TTC23: variants seen among roughly 807,000 people sequenced by gnomAD.
TTC23 encodes tetratricopeptide repeat domain 23, also known as tetratricopeptide repeat protein 23.
Under a neutral mutation model 55.1 loss-of-function variants are expected in TTC23, and 58 were observed. That is an observed-to-expected ratio of 1.05 (90% CI 0.85 to 1.31). The LOEUF (loss-of-function observed/expected upper bound fraction) is 1.31. Ranked by LOEUF, TTC23 falls within the 50% of genes most tolerant of loss-of-function variation. The pLI is 0.00. For missense variants in TTC23, 516 were observed against 534.4 expected (o/e 0.97, Z 0.34); for synonymous variants, 203 against 199.9 (o/e 1.02, Z -0.13).
chr15:99,241,835 G>A (rs2079827698), intron 2 of TTC23, among the ~76,000 whole-genome samples: 1 of 152,068 alleles, frequency 6.6e-6, no homozygotes, highest in South Asian at 2.1e-4. Context: ...TGGCTTTTAG[G>A]AAATAAAAAA....
intron 13 of TTC23, chr15:99,139,037 C>G (rs2067895711): frequency 2.1e-6 from 1 of 475,026 alleles, no homozygotes; most frequent in Non-Finnish European, 3.9e-6. Context: ...TCCCGGGGCC[C>G]TCCCCCTGCA....
intron 9 of TTC23, among the ~76,000 whole-genome samples, chr15:99,179,233 CTCA>C (rs1419537219): frequency 6.6e-6 from 1 of 152,208 alleles, no homozygotes; most frequent in Non-Finnish European, 1.5e-5. Context: ...CACTCCAGAC[CTCA>C]TCATCGCCCA....
intron 12 of TTC23, 81 bp from the exon 13 acceptor site, chr15:99,139,480 A>G: frequency 6.3e-7 from 1 of 1,593,736 alleles, no homozygotes; most frequent in East Asian, 2.3e-5. Flanking sequence ...TGAATGAGAG[A>G]AAGATGACCT....
At chr15:99,184,235 C>T (rs992020285) in intron 9 of TTC23, among the ~76,000 whole-genome samples, 1 of 152,202 alleles carries the variant, frequency 6.6e-6, no homozygotes, top group African/African-American at 2.4e-5. Flanking sequence ...TACACAGAGT[C>T]TCCACTGGGG....
At chr15:99,148,888 T>C (rs2069325466) in intron 12 of TTC23, among the ~76,000 whole-genome samples, 1 of 152,210 alleles carries the variant, frequency 6.6e-6, no homozygotes, top group South Asian at 2.1e-4. Flanking sequence ...TTTTCGGTGA[T>C]TTAATCCTGC....
At chr15:99,164,499 T>C (rs73482318) in intron 10 of TTC23, among the ~76,000 whole-genome samples, 2,527 of 152,256 alleles carry the variant, frequency 0.017, 79 homozygotes, top group African/African-American at 0.058. Context: ...ATAAAGTCTG[T>C]TGGGGAAGAT....
intron 12 of TTC23, among the ~76,000 whole-genome samples, chr15:99,150,786 T>C (rs1489179490): frequency 6.6e-6 from 1 of 152,212 alleles, no homozygotes; most frequent in African/African-American, 2.4e-5. Flanking sequence ...GGACCCTTGC[T>C]TAAAGGATCA....
intron 10 of TTC23, among the ~76,000 whole-genome samples, chr15:99,166,975 C>G (rs1284262356): frequency 6.6e-6 from 1 of 152,184 alleles, no homozygotes; most frequent in Non-Finnish European, 1.5e-5. Context: ...CAAGAAAGCT[C>G]CTTTATTGCA....
rs188477413 is a variant in TTC23, at chr15:99,181,430, G to C, written c.760-6275C>G. Among the ~76,000 whole-genome samples the C allele has an allele frequency of 5.3e-5, 8 of 152,214 alleles. No individual in the cohort carries two copies. The East Asian group carries it at 1.5e-3, about 29-fold the overall frequency. ...AAAGCGGCAGATGGTGGATAGAGAA[G>C]ATGTTATGGTGTCGTCGACCGAGAG... On this transcript the variant is annotated intron_variant, in intron 9 of 13. Coordinates refer to ENST00000394132, the MANE Select transcript of TTC23 (RefSeq NM_001288615.3).
intron 9 of TTC23, among the ~76,000 whole-genome samples, chr15:99,178,006 C>G (rs886494556): frequency 3.3e-5 from 5 of 151,874 alleles, no homozygotes; most frequent in Non-Finnish European, 7.4e-5. Flanking sequence ...ATAGTGAGAC[C>G]CTGTCTGTAC....
chr15:99,159,757 G>A (rs1167621203), intron 11 of TTC23: 5 of 152,308 alleles, frequency 3.3e-5, no homozygotes, highest in Non-Finnish European at 5.9e-5. Flanking sequence ...TTTTACAAGT[G>A]AGTGTTCAGT....
Position 99,218,610 on chromosome 15 carries a change from G to C in TTC23, c.559C>G (p.Arg187Gly), listed in dbSNP as rs201945611. 238 of 1,614,036 alleles carry C rather than the reference G, an allele frequency of 1.5e-4. No homozygotes were observed. The highest frequency in any genetic ancestry group is 1.9e-4 in the Non-Finnish European group (228 of 1,180,042). Residue 187 changes from arginine (R) to glycine (G), a missense_variant, in exon 8 of 14, where the codon CGG (arginine) becomes GGG (glycine). Arg to Gly is a moderately radical substitution (Grantham distance 125). Coordinates refer to ENST00000394132, the MANE Select transcript of TTC23 (RefSeq NM_001288615.3). ...TACTGTGCAAATGATAATCTGATCC[G>C]TGCTTCAATTTCTATCCATTCTTCC... ...IKEEWIEIEA[R>G]IRLSFAQVYQ...
chr15:99,188,391 G>C (rs112897699), intron 9 of TTC23, among the ~76,000 whole-genome samples: 1 of 151,814 alleles, frequency 6.6e-6, no homozygotes, highest in Non-Finnish European at 1.5e-5. Flanking sequence ...AAATACTCTG[G>C]AATTAAATAG....
intron 4 of TTC23, among the ~76,000 whole-genome samples, chr15:99,233,605 A>C (rs1019251108): frequency 7.2e-5 from 11 of 152,362 alleles, no homozygotes; most frequent in African/African-American, 2.6e-4. Context: ...TCAATCTGAT[A>C]GGCACCTTTG....
chr15:99,206,786 T>A (rs997551526), intron 8 of TTC23, among the ~76,000 whole-genome samples: 1 of 152,166 alleles, frequency 6.6e-6, no homozygotes, highest in Non-Finnish European at 1.5e-5. Flanking sequence ...CTTTTGAATT[T>A]TTTTAGTCTC....
intron 12 of TTC23, among the ~76,000 whole-genome samples, chr15:99,146,623 A>C (rs1386217963): frequency 6.6e-6 from 1 of 152,140 alleles, no homozygotes; most frequent in Non-Finnish European, 1.5e-5. Context: ...ACAATTGATG[A>C]CCCTCTGAGG....
intron 5 of TTC23, among the ~76,000 whole-genome samples, chr15:99,227,929 T>C (rs2152067484): frequency 6.6e-6 from 1 of 152,322 alleles, no homozygotes. Context: ...GTTTTGCATC[T>C]ATGTCACTCG....
chr15:99,145,698 CTT>C (rs1555492882), intron 12 of TTC23, among the ~76,000 whole-genome samples: 2 of 152,116 alleles, frequency 1.3e-5, no homozygotes, highest in Admixed American at 6.5e-5. Context: ...GTCTCTCTCT[CTT>C]TCTTTCTCTG....
At chr15:99,202,649 G>A (rs927170445) in intron 8 of TTC23, among the ~76,000 whole-genome samples, 2 of 152,186 alleles carry the variant, frequency 1.3e-5, no homozygotes, top group African/African-American at 2.4e-5. Context: ...CAAAAGCACA[G>A]CATATCATCC....
Sources: gnomAD v4.1 joint callset for allele counts (sites outside exome capture counted in the v4.1 genomes callset) on GRCh38, gnomAD v4.1.1 for gene constraint, MANE v1.5 for transcripts, NCBI Gene and HGNC (gene_info 2026-07-23, HGNC 2026-07-21) for gene names.